Variants in MGAT4C observed in about 807,000 individuals in gnomAD.
MGAT4C encodes the protein MGAT4 family member C.
Under a neutral mutation model 40.1 loss-of-function variants are expected in MGAT4C, and 19 were observed. That is an observed-to-expected ratio of 0.47 (90% CI 0.33 to 0.70). The LOEUF (loss-of-function observed/expected upper bound fraction) is 0.70, where lower values mean the gene tolerates loss of function less well. Ranked by LOEUF, MGAT4C falls within the 30% of genes least tolerant of loss-of-function variation. The pLI, the probability that MGAT4C is intolerant of heterozygous loss-of-function variation, is 0.02. For missense variants in MGAT4C, 491 were observed against 563.2 expected, an observed-to-expected ratio of 0.87 and a Z score of 1.30; for synonymous variants, 181 against 187.1, an observed-to-expected ratio of 0.97 and a Z score of 0.27.
intron 4 of MGAT4C, among the ~76,000 whole-genome samples, chr12:86,326,798 A>G (rs1954538879): frequency 6.6e-6 from 1 of 152,192 alleles, no homozygotes; most frequent in Admixed American, 6.5e-5. Flanking sequence ...AAAGCAGTTA[A>G]TAAATAATTA....
At chr12:86,725,940 A>G (rs993788715) in intron 2 of MGAT4C, among the ~76,000 whole-genome samples, 1 of 152,220 alleles carries the variant, frequency 6.6e-6, no homozygotes, top group Non-Finnish European at 1.5e-5. Context: ...TTTAGGAATT[A>G]ACTGCTTTAC....
chr12:86,749,448 T>C (rs1308915100), intron 1 of MGAT4C, among the ~76,000 whole-genome samples: 1 of 151,750 alleles, frequency 6.6e-6, no homozygotes, highest in Non-Finnish European at 1.5e-5. Flanking sequence ...AGTATGTCAT[T>C]GATCTTACTT....
At chr12:86,483,173 T>C (rs1278414242) in intron 2 of MGAT4C, among the ~76,000 whole-genome samples, 1 of 152,220 alleles carries the variant, frequency 6.6e-6, no homozygotes, top group East Asian at 1.9e-4. Context: ...GTTTCTTTTA[T>C]GAAAACACCA....
chr12:86,761,647 C>T (rs1471655958), intron 1 of MGAT4C, among the ~76,000 whole-genome samples: 1 of 152,038 alleles, frequency 6.6e-6, no homozygotes, highest in Non-Finnish European at 1.5e-5. Context: ...CTTTCGGATG[C>T]TCTCATGGGA....
chr12:86,439,255 A>C (rs896562878), intron 2 of MGAT4C, among the ~76,000 whole-genome samples: 7 of 152,050 alleles, frequency 4.6e-5, no homozygotes, highest in African/African-American at 1.4e-4. Context: ...AATTTTAAAA[A>C]CTTGAAACAA....
intron 4 of MGAT4C, among the ~76,000 whole-genome samples, chr12:86,289,563 T>C (rs1281918400): frequency 6.6e-6 from 1 of 152,226 alleles, no homozygotes; most frequent in Admixed American, 6.5e-5. Flanking sequence ...CATTTGTTTG[T>C]GTCACTTCTG....
At chr12:86,831,584 A>T (rs1394345282) in intron 1 of MGAT4C, among the ~76,000 whole-genome samples, 1 of 151,850 alleles carries the variant, frequency 6.6e-6, no homozygotes, top group Admixed American at 6.6e-5. Context: ...AAATCTAAAG[A>T]CATATTAAAT....
chr12:86,124,208 T>C (rs1461439974), intron 1 of MGAT4C, among the ~76,000 whole-genome samples: 1 of 152,144 alleles, frequency 6.6e-6, no homozygotes, highest in Admixed American at 6.6e-5. Context: ...TAGCATCTGC[T>C]TCTCTCAAAA....
chr12:86,746,485 T>A (rs1951155220), intron 1 of MGAT4C, among the ~76,000 whole-genome samples: 1 of 151,612 alleles, frequency 6.6e-6, no homozygotes, highest in African/African-American at 2.4e-5. Context: ...ATCTTGGTAA[T>A]ACCACTTCTC....
At chr12:86,785,363 T>C (rs1030536778) in intron 1 of MGAT4C, among the ~76,000 whole-genome samples, 2 of 152,016 alleles carry the variant, frequency 1.3e-5, no homozygotes, top group Admixed American at 6.6e-5. Context: ...AAGTAAAACA[T>C]GAAAAATATT....
At chr12:86,550,778 C>A (rs1377585080) in intron 2 of MGAT4C, among the ~76,000 whole-genome samples, 4 of 152,172 alleles carry the variant, frequency 2.6e-5, no homozygotes, top group African/African-American at 9.7e-5. Flanking sequence ...CCACTGTACA[C>A]CCCTCCCTAG....
intron 3 of MGAT4C, among the ~76,000 whole-genome samples, chr12:86,362,054 C>G (rs967202007): frequency 6.6e-6 from 1 of 152,162 alleles, no homozygotes; most frequent in East Asian, 1.9e-4. Context: ...TATTGTGGCA[C>G]TATTCACAAT....
At chr12:86,784,947 A>G (rs1293254343) in intron 1 of MGAT4C, among the ~76,000 whole-genome samples, 1 of 152,002 alleles carries the variant, frequency 6.6e-6, no homozygotes, top group Non-Finnish European at 1.5e-5. Flanking sequence ...TCAGTTTCAT[A>G]TCAGTAATCA....
chr12:86,278,693 T>C (rs1339690475), intron 4 of MGAT4C, among the ~76,000 whole-genome samples: 1 of 148,874 alleles, frequency 6.7e-6, no homozygotes, highest in African/African-American at 2.6e-5. Flanking sequence ...AATTTTTTTC[T>C]TTCTTTTTTC....
chr12:86,449,631 T>G (rs1042080803), intron 2 of MGAT4C, among the ~76,000 whole-genome samples: 3 of 152,174 alleles, frequency 2.0e-5, no homozygotes, highest in African/African-American at 7.2e-5. Context: ...CACCATAAAA[T>G]AACTAAGTCT....
rs576219492 is a variant in MGAT4C at position 86,222,413 on chromosome 12, AG to A, written c.-57+33825del. 4.6e-5 allele frequency among the ~76,000 whole-genome samples: 7 copies of A among 152,342 alleles called. No individual in the cohort carries two copies. In the South Asian group the frequency reaches 1.4e-3, roughly 32 times the overall value. The stretch of plus-strand genomic sequence containing the variant: ...TACTCTGCACTCCATCAAAAGTGAC[AG>A]ATTTTTTCTATTATATTTTCCTGAC... On this transcript the variant is annotated intron_variant, in intron 1 of 4. Coordinates refer to ENST00000611864, the MANE Select transcript of MGAT4C (RefSeq NM_001351288.2).
At chr12:86,716,389 T>C (rs1950645255) in intron 2 of MGAT4C, among the ~76,000 whole-genome samples, 1 of 152,162 alleles carries the variant, frequency 6.6e-6, no homozygotes, top group African/African-American at 2.4e-5. Flanking sequence ...TCTTTTTTTA[T>C]TCCTTTTGGT....
chr12:86,511,736 CA>C (rs1421385551), intron 2 of MGAT4C, among the ~76,000 whole-genome samples: 6 of 152,050 alleles, frequency 3.9e-5, no homozygotes, highest in African/African-American at 1.2e-4. Flanking sequence ...GCACCGCACA[CA>C]CAAGTCAATG....
At chr12:86,493,488 C>T (rs1205824155) in intron 2 of MGAT4C, among the ~76,000 whole-genome samples, 6 of 152,014 alleles carry the variant, frequency 3.9e-5, no homozygotes, top group Non-Finnish European at 5.9e-5. Flanking sequence ...TGAGTTCATG[C>T]CCTTTGTTGG....
Sources: allele counts gnomAD v4.1 joint callset (sites outside exome capture counted in the v4.1 genomes callset), GRCh38; gene constraint gnomAD v4.1.1; transcripts MANE v1.5; gene names NCBI Gene and HGNC (gene_info 2026-07-23, HGNC 2026-07-21).